AFG1L: variants seen among roughly 807,000 people sequenced by gnomAD.
The protein encoded by AFG1L is AFG1-like ATPase.
In AFG1L, 53 loss-of-function variants were observed where a neutral mutation model predicts 62.2. That is an observed-to-expected ratio of 0.85 (90% CI 0.68 to 1.07). The LOEUF (loss-of-function observed/expected upper bound fraction) is 1.07, where lower values mean the gene tolerates loss of function less well. AFG1L is among the 50% of genes least tolerant of loss of function. AFG1L has a pLI of 0.00. For missense variants in AFG1L, 555 were observed against 590.5 expected (o/e 0.94, Z 0.62); for synonymous variants, 228 against 210.3 (o/e 1.08, Z -0.73).
At chr6:108,376,441 C>G (rs946444244) in intron 6 of AFG1L, among the ~76,000 whole-genome samples, 1 of 151,654 alleles carries the variant, frequency 6.6e-6, no homozygotes, top group Admixed American at 6.6e-5. Context: ...TTTGCTATAT[C>G]GCAGAGATTT....
chr6:108,349,978 C>A (rs1388481570), intron 3 of AFG1L, among the ~76,000 whole-genome samples: 1 of 151,206 alleles, frequency 6.6e-6, no homozygotes, highest in Non-Finnish European at 1.5e-5. Context: ...ATGCCAGCAA[C>A]TTTGGGGGGC....
intron 7 of AFG1L, among the ~76,000 whole-genome samples, chr6:108,414,822 A>G (rs991881748): frequency 6.6e-6 from 1 of 152,214 alleles, no homozygotes; most frequent in Non-Finnish European, 1.5e-5. Flanking sequence ...ATCATACTGA[A>G]TGGGCAAAAC....
At chr6:108,436,682 T>G (rs1771326769) in intron 7 of AFG1L, among the ~76,000 whole-genome samples, 1 of 152,206 alleles carries the variant, frequency 6.6e-6, no homozygotes, top group Non-Finnish European at 1.5e-5. Flanking sequence ...TGGGCTGTGA[T>G]GAAACACCAG....
In AFG1L at chr6:108,524,149, T is replaced by A. The variant is rs527373358; in HGVS notation, c.*1724T>A. 1 of 152,354 alleles carries A rather than the reference T, an allele frequency of 6.6e-6. No homozygotes were observed. Among genetic ancestry groups the A allele is most frequent in the East Asian group, 1.9e-4 (1 of 5,190 alleles). The allele number at this position is 152,354 out of a possible 1,614,324, so 9.4% of individuals were successfully genotyped here. Reference sequence around the variant, plus strand: ...AAAAAAAAGAGATTGTTTTAAAAATTGATTCATTTAACTCAGTGAATGAAG... The same window carrying A: ...AAAAAAAAGAGATTGTTTTAAAAATAGATTCATTTAACTCAGTGAATGAAG... On this transcript the variant is annotated 3_prime_UTR_variant, in exon 13 of 13. Coordinates refer to ENST00000368977, the MANE Select transcript of AFG1L (RefSeq NM_145315.5).
chr6:108,480,356 G>T (rs1223359850), intron 10 of AFG1L, among the ~76,000 whole-genome samples: 4 of 152,140 alleles, frequency 2.6e-5, no homozygotes, highest in Non-Finnish European at 5.9e-5. Flanking sequence ...TATAGGTAGA[G>T]AATTTGAAAC....
intron 6 of AFG1L, among the ~76,000 whole-genome samples, chr6:108,383,892 A>C (rs1481464806): frequency 1.3e-5 from 2 of 152,168 alleles, no homozygotes; most frequent in Non-Finnish European, 2.9e-5. Context: ...AAAAATGTGA[A>C]ACAAGATCAG....
chr6:108,452,081 C>G (rs1366632437), intron 8 of AFG1L, among the ~76,000 whole-genome samples: 1 of 152,150 alleles, frequency 6.6e-6, no homozygotes, highest in Non-Finnish European at 1.5e-5. Flanking sequence ...GAAGTCCAAA[C>G]AGATCAATCA....
At chr6:108,383,702 G>A (rs1374440874) in intron 6 of AFG1L, among the ~76,000 whole-genome samples, 2 of 152,176 alleles carry the variant, frequency 1.3e-5, no homozygotes, top group African/African-American at 4.8e-5. Flanking sequence ...GAGGGGCAGT[G>A]TCATCAGTTG....
chr6:108,510,324 C>A lies in AFG1L; in HGVS notation c.1175C>A (p.Thr392Asn), dbSNP rs750978945. 2.5e-6 allele frequency: 4 copies of A among 1,611,096 alleles called. No individual in the cohort carries two copies. The East Asian group carries it at 6.7e-5, about 27-fold the overall frequency. ...AGGACTCAAGGTCGAAGATTCATAA[C>A]TCTCATCGATAACTTTTATGATCTC... ...ANRTQGRRFI[T>N]LIDNFYDLKV... The change falls in exon 11 of 13, where the codon ACT (threonine) becomes AAT (asparagine). Residue 392 changes from threonine (T) to asparagine (N), a missense_variant. Transcript: ENST00000368977.
chr6:108,332,287 A>C (rs1778303421), intron 2 of AFG1L, among the ~76,000 whole-genome samples: 1 of 152,196 alleles, frequency 6.6e-6, no homozygotes, highest in Non-Finnish European at 1.5e-5. Context: ...CTAGCTTTCA[A>C]GTTTAATATT....
chr6:108,391,065 G>A (rs1381769733), intron 6 of AFG1L, among the ~76,000 whole-genome samples: 1 of 152,170 alleles, frequency 6.6e-6, no homozygotes, highest in East Asian at 1.9e-4. Context: ...TGCGAATTGT[G>A]CTGCTATAAA....
intron 11 of AFG1L, among the ~76,000 whole-genome samples, chr6:108,513,204 G>A (rs1328979030): frequency 6.6e-6 from 1 of 152,228 alleles, no homozygotes; most frequent in African/African-American, 2.4e-5. Flanking sequence ...GAAGATGAAT[G>A]ATTTCTGCAT....
intron 7 of AFG1L, among the ~76,000 whole-genome samples, chr6:108,409,965 A>G (rs1562141994): frequency 1.3e-5 from 2 of 152,208 alleles, no homozygotes; most frequent in East Asian, 3.8e-4. Context: ...GTCTAGATTC[A>G]AAGTGTTCAT....
At chr6:108,341,747 T>C (rs1213145257) in intron 2 of AFG1L, among the ~76,000 whole-genome samples, 1 of 152,058 alleles carries the variant, frequency 6.6e-6, no homozygotes, top group African/African-American at 2.4e-5. Flanking sequence ...CTGCACAATC[T>C]AAAAGGTGAT....
intron 8 of AFG1L, among the ~76,000 whole-genome samples, chr6:108,466,793 A>G (rs1772690326): frequency 6.7e-6 from 1 of 148,746 alleles, no homozygotes; most frequent in Admixed American, 6.7e-5. Context: ...ATATATTTTA[A>G]ACTATATATA....
chr6:108,484,240 G>A (rs1248178938), intron 10 of AFG1L, among the ~76,000 whole-genome samples: 1 of 152,200 alleles, frequency 6.6e-6, no homozygotes, highest in African/African-American at 2.4e-5. Flanking sequence ...TTGCTGATCT[G>A]TGTATGCTCA....
intron 6 of AFG1L, among the ~76,000 whole-genome samples, chr6:108,393,417 AG>A (rs1409820723): frequency 1.3e-5 from 2 of 152,122 alleles, no homozygotes; most frequent in African/African-American, 4.8e-5. Context: ...ATTTCTGTTT[AG>A]AATTCTGTTT....
At chr6:108,374,464 T>C (rs1182782210) in intron 6 of AFG1L, among the ~76,000 whole-genome samples, 1 of 152,216 alleles carries the variant, frequency 6.6e-6, no homozygotes, top group Non-Finnish European at 1.5e-5. Flanking sequence ...ATTCTTATAG[T>C]TTGAAGTCTT....
chr6:108,424,934 T>C (rs1244450578), intron 7 of AFG1L, among the ~76,000 whole-genome samples: 3 of 152,100 alleles, frequency 2.0e-5, no homozygotes, highest in Non-Finnish European at 4.4e-5. Flanking sequence ...TTAATAGTCA[T>C]GCTTATGATA....
Sources: gnomAD v4.1 joint callset for allele counts (sites outside exome capture counted in the v4.1 genomes callset) on GRCh38, gnomAD v4.1.1 for gene constraint, MANE v1.5 for transcripts, NCBI Gene and HGNC (gene_info 2026-07-23, HGNC 2026-07-21) for gene names.